Variants in MYH11 observed in about 807,000 individuals in gnomAD.
MYH11 encodes myosin heavy chain 11, also known as myosin-11.
In MYH11, 80 loss-of-function variants were observed where a neutral mutation model predicts 246.6. That is an observed-to-expected ratio of 0.32 (90% CI 0.27 to 0.39). The LOEUF (loss-of-function observed/expected upper bound fraction) is 0.39, where lower values mean the gene tolerates loss of function less well. Among genes scored for constraint, MYH11 ranks in the 10% least tolerant of loss-of-function variants. The probability of loss-of-function intolerance (pLI) is 1.00; values close to 1 mark genes in which losing one functional copy is unlikely to be tolerated. For missense variants in MYH11, 2,158 were observed against 2,546.8 expected (o/e 0.85, Z 3.29); for synonymous variants, 1,071 against 1,015.5 (o/e 1.05, Z -1.04).
At chr16:15,821,240 A>G (rs1225937830) in intron 3 of MYH11, among the ~76,000 whole-genome samples, 2 of 152,180 alleles carry the variant, frequency 1.3e-5, no homozygotes, top group African/African-American at 4.8e-5. Context: ...CACACATACT[A>G]TCTACAGTGA....
At chr16:15,765,660 A>G (rs2041965616) in intron 9 of MYH11, among the ~76,000 whole-genome samples, 1 of 152,082 alleles carries the variant, frequency 6.6e-6, no homozygotes, top group Non-Finnish European at 1.5e-5. Context: ...GCCCTTCACA[A>G]CAGCTATTCT....
At chr16:15,709,468 C>T (rs534215635) in intron 40 of MYH11, among the ~76,000 whole-genome samples, 4 of 152,150 alleles carry the variant, frequency 2.6e-5, no homozygotes, top group African/African-American at 9.6e-5. Context: ...GCATGCACCA[C>T]CGTGGCTGGC....
chr16:15,817,956 C>G (rs1470196255), intron 3 of MYH11, among the ~76,000 whole-genome samples: 1 of 152,208 alleles, frequency 6.6e-6, no homozygotes, highest in Admixed American at 6.5e-5. Context: ...ATAAATAACT[C>G]TAATAATTCA....
At position 15,738,522 on chromosome 16, in the gene MYH11, T is replaced by C. The variant is rs754711473; in HGVS notation, c.3121+43A>G. On this transcript the variant is annotated intron_variant, in intron 24 of 40. Coordinates refer to ENST00000300036, the MANE Select transcript of MYH11 (RefSeq NM_002474.3). ...AGCAAGACCTCATCTCTAAAAAAAATAATAAAATAAAATAAAAATAAATCT... is the reference window on the plus strand; with the variant it reads ...AGCAAGACCTCATCTCTAAAAAAAACAATAAAATAAAATAAAAATAAATCT... The C allele has an allele frequency of 6.4e-6, 10 of 1,558,374 alleles. No homozygotes were observed. In the East Asian group the frequency reaches 2.3e-4, roughly 37 times the overall value.
In MYH11 at chr16:15,776,673, C is replaced by T. The variant is rs189703801; in HGVS notation, c.791-497G>A. 3.9e-3 allele frequency among the ~76,000 whole-genome samples: 593 copies of T among 152,324 alleles called. 3 individuals are homozygous for T. The highest frequency in any genetic ancestry group is 6.5e-3 in the Non-Finnish European group (442 of 68,032). On this transcript the variant is annotated intron_variant, in intron 7 of 40. Transcript: ENST00000300036. ...AAACTGAGGCTCAGAGAAGAGAAGT[C>T]CTTTCTCAAGATGATACAGCTAACA...
chr16:15,805,431 T>A (rs941138395), intron 3 of MYH11, among the ~76,000 whole-genome samples: 1 of 152,206 alleles, frequency 6.6e-6, no homozygotes, highest in Non-Finnish European at 1.5e-5. Context: ...TATGGAATGA[T>A]AATAGGCCAT....
At chr16:15,789,828 C>T (rs1166178962) in intron 4 of MYH11, among the ~76,000 whole-genome samples, 1 of 152,236 alleles carries the variant, frequency 6.6e-6, no homozygotes, top group East Asian at 1.9e-4. Context: ...CGTAGGTGGT[C>T]ATGAACCTAT....
chr16:15,706,993 C>CTAAG, intron 40 of MYH11, among the ~76,000 whole-genome samples: 1 of 152,160 alleles, frequency 6.6e-6, no homozygotes, highest in Non-Finnish European at 1.5e-5. Flanking sequence ...GTTACAGGAA[C>CTAAG]TAAGGGACCC....
At chr16:15,752,816 C>A (rs1055643695) in intron 15 of MYH11, among the ~76,000 whole-genome samples, 1 of 152,156 alleles carries the variant, frequency 6.6e-6, no homozygotes, top group African/African-American at 2.4e-5. Context: ...AAGGTGGAGG[C>A]TGCAGTGAGC....
At chr16:15,730,369 T>TAAAAAAAAA (rs746923275) in intron 27 of MYH11, among the ~76,000 whole-genome samples, 1 of 97,238 alleles carries the variant, frequency 1.0e-5, no homozygotes, top group Non-Finnish European at 2.3e-5. Context: ...CCATCTCTAC[T>TAAAAAAAAA]AAAAAAAAAA....
chr16:15,826,412 A>G (rs2043566246), intron 2 of MYH11, among the ~76,000 whole-genome samples: 1 of 151,662 alleles, frequency 6.6e-6, no homozygotes, highest in African/African-American at 2.4e-5. Flanking sequence ...GCACAGTGAG[A>G]CCCCCATCTC....
Position 15,830,937 on chromosome 16 carries a change from C to T in MYH11, c.345+6971G>A, listed in dbSNP as rs571543095. 3.3e-5 allele frequency among the ~76,000 whole-genome samples: 5 copies of T among 149,744 alleles called. No homozygotes were observed. In the South Asian group the frequency reaches 8.6e-4, roughly 26 times the overall value. On this transcript the variant is annotated intron_variant, in intron 2 of 40. Transcript: ENST00000300036. ...CTGTAATCCCAGCACCTTGGCAGGCCGAGGCAGGTGGATCACCTGAGGTCA... is the reference window on the plus strand; with the variant it reads ...CTGTAATCCCAGCACCTTGGCAGGCTGAGGCAGGTGGATCACCTGAGGTCA...
chr16:15,762,541 G>A lies in MYH11; in HGVS notation c.1129+1255C>T, dbSNP rs115642500. ...TGGATCAGCTGACACCACCCAGATC[G>A]AGAAACTGGCTCATCTGATCTTATG... On this transcript the variant is annotated intron_variant, in intron 10 of 40. Transcript: ENST00000300036. 8.8e-3 allele frequency among the ~76,000 whole-genome samples: 1,341 copies of A among 152,140 alleles called. 9 individuals are homozygous for A. The highest frequency in any genetic ancestry group is 0.02 in the African/African-American group (834 of 41,518).
chr16:15,714,953 G>A lies in MYH11; in HGVS notation c.5742C>T (p.Asn1914=), dbSNP rs146391904. The stretch of plus-strand genomic sequence containing the variant: ...CGTTCACCTCGCGGCCCATGGCCTC[G>A]TTGCTCTCCGTGGCCTCATCCAGCT... ...QRELDEATES[N]EAMGREVNAL... is the part of the protein sequence containing the mutation. Residue 1914 remains asparagine (N), a synonymous_variant, in exon 40 of 41, where the codon AAC becomes AAT. Coordinates refer to ENST00000300036, the MANE Select transcript of MYH11 (RefSeq NM_002474.3). 126 of 1,613,982 alleles carry A rather than the reference G, an allele frequency of 7.8e-5. No homozygotes were observed. Among genetic ancestry groups the A allele is most frequent in the Non-Finnish European group, 1.0e-4 (122 of 1,180,052 alleles).
intron 9 of MYH11, among the ~76,000 whole-genome samples, chr16:15,768,850 T>C (rs2042037617): frequency 3.3e-5 from 5 of 152,216 alleles, no homozygotes; most frequent in South Asian, 2.1e-4. Context: ...CCAAAGTACA[T>C]TGAGAACACT....
At chr16:15,791,226 G>A (rs1468199779) in intron 4 of MYH11, 1 of 152,156 alleles carries the variant, frequency 6.6e-6, no homozygotes, top group Non-Finnish European at 1.5e-5. Flanking sequence ...AAAGTGCTGG[G>A]ATTCCAGGTG....
chr16:15,714,889 C>T lies in MYH11; in HGVS notation c.5786+20G>A. 6.2e-7 allele frequency: 1 copy of T among 1,612,702 alleles called. No individual in the cohort carries two copies. ...CTCTGGCCTGAGAGACGGGGTCCTC[C>T]CGGGCCACGGGCTCCTCACCTGAGC... On this transcript the variant is annotated intron_variant, in intron 40 of 40. Coordinates refer to ENST00000300036, the MANE Select transcript of MYH11 (RefSeq NM_002474.3).
chr16:15,739,065 T>G (rs1307546301), intron 23 of MYH11, among the ~76,000 whole-genome samples: 4 of 151,998 alleles, frequency 2.6e-5, no homozygotes, highest in Non-Finnish European at 5.9e-5. Flanking sequence ...CCAGGAAGTC[T>G]TCTATGAATA....
chr16:15,725,516 G>A (rs914895753), intron 28 of MYH11: 6 of 420,158 alleles, frequency 1.4e-5, no homozygotes, highest in African/African-American at 4.1e-5. Flanking sequence ...CGTCCTCTCT[G>A]TATTCTCTGG....
Sources: gnomAD v4.1 joint callset for allele counts (sites outside exome capture counted in the v4.1 genomes callset) on GRCh38, gnomAD v4.1.1 for gene constraint, MANE v1.5 for transcripts, NCBI Gene and HGNC (gene_info 2026-07-23, HGNC 2026-07-21) for gene names.